PRMT8: variants seen among roughly 807,000 people sequenced by gnomAD.
PRMT8 encodes the protein protein arginine N-methyltransferase 8.
A neutral mutation model predicts 47.1 loss-of-function variants in PRMT8; 7 were observed. The ratio of observed to expected loss-of-function variants is 0.15; its 90% CI spans 0.08 to 0.28. The LOEUF is 0.28. Among genes scored for constraint, PRMT8 ranks in the 10% least tolerant of loss-of-function variants. The pLI is 1.00. For missense variants in PRMT8, 237 were observed against 505.4 expected (o/e 0.47, Z 5.09); for synonymous variants, 188 against 186.5 (o/e 1.01, Z -0.07).
At chr12:3,507,118 CTTTT>C (rs72188443) in intron 1 of PRMT8, among the ~76,000 whole-genome samples, 1 of 122,556 alleles carries the variant, frequency 8.2e-6, no homozygotes, top group African/African-American at 3.1e-5. Context: ...GGTGGCCTTT[CTTTT>C]TTTTTTTTTT....
intron 1 of PRMT8, among the ~76,000 whole-genome samples, chr12:3,437,116 A>T (rs1565407401): frequency 6.6e-6 from 1 of 152,162 alleles, no homozygotes; most frequent in Non-Finnish European, 1.5e-5. Flanking sequence ...GGGGTATCCA[A>T]CACTGAGTTT....
At chr12:3,466,536 A>G (rs1462588332) in intron 1 of PRMT8, among the ~76,000 whole-genome samples, 2 of 152,156 alleles carry the variant, frequency 1.3e-5, no homozygotes, top group Non-Finnish European at 1.5e-5. Flanking sequence ...AAATGGAGGG[A>G]TGGAAACCAA....
intron 1 of PRMT8, among the ~76,000 whole-genome samples, chr12:3,438,209 A>G (rs1008573274): frequency 6.6e-6 from 1 of 152,082 alleles, no homozygotes; most frequent in African/African-American, 2.4e-5. Context: ...AGAGAGGTGG[A>G]GGGAGGCTGC....
At chr12:3,490,856 G>A (rs916262269), upstream of PRMT8, among the ~76,000 whole-genome samples, 3 of 147,120 alleles carry the variant, frequency 2.0e-5, no homozygotes, top group Non-Finnish European at 4.5e-5. Context: ...AGAGGAGCGG[G>A]AGAGCTGGGG....
At chr12:3,394,608 T>A (rs1864229156) in intron 1 of PRMT8, among the ~76,000 whole-genome samples, 1 of 152,242 alleles carries the variant, frequency 6.6e-6, no homozygotes, top group South Asian at 2.1e-4. Flanking sequence ...CTGGATTCAT[T>A]CTGCCAGTAT....
rs368826831 is a variant in PRMT8 at position 3,528,251 on chromosome 12, T to G, written c.76-12355T>G. On this transcript the variant is annotated intron_variant, in intron 1 of 9. Coordinates refer to ENST00000382622, the MANE Select transcript of PRMT8 (RefSeq NM_019854.5). ...AAAGCCGTATTTCTTTAAATATTTT[T>G]GTGTCTCCTCTTCCTTCAGGTGCTA... Among the ~76,000 whole-genome samples, 28 of 152,334 alleles carry G rather than the reference T, an allele frequency of 1.8e-4. No homozygotes were observed. The East Asian group carries it at 3.3e-3, about 18-fold the overall frequency.
At chr12:3,435,799 C>A (rs910229196) in intron 1 of PRMT8, among the ~76,000 whole-genome samples, 2 of 152,230 alleles carry the variant, frequency 1.3e-5, no homozygotes, top group South Asian at 4.1e-4. Context: ...GGATTACAGG[C>A]GCGAGCCACC....
intron 1 of PRMT8, among the ~76,000 whole-genome samples, chr12:3,418,246 C>T (rs530723043): frequency 6.6e-6 from 1 of 152,334 alleles, no homozygotes; most frequent in Admixed American, 6.5e-5. Flanking sequence ...CAACTGCAAA[C>T]ACCTTGAAAG....
intron 1 of PRMT8, among the ~76,000 whole-genome samples, chr12:3,482,461 G>A (rs1378130268): frequency 6.6e-6 from 1 of 152,180 alleles, no homozygotes; most frequent in Non-Finnish European, 1.5e-5. Flanking sequence ...TGGGCAGTAT[G>A]TAAGCCCAGT....
At chr12:3,540,564 C>T (rs780336866) in intron 1 of PRMT8, 42 bp from the exon 2 acceptor site, 17 of 1,365,432 alleles carry the variant, frequency 1.2e-5, no homozygotes, top group South Asian at 8.5e-5. Flanking sequence ...GGCGGGACCC[C>T]GTTGTCTCTC....
chr12:3,526,339 T>C (rs539667275), intron 1 of PRMT8, among the ~76,000 whole-genome samples: 1 of 152,282 alleles, frequency 6.6e-6, no homozygotes, highest in Non-Finnish European at 1.5e-5. Flanking sequence ...TACAAATATC[T>C]CTTTAAGCAT....
intron 1 of PRMT8, among the ~76,000 whole-genome samples, chr12:3,521,609 G>T (rs1217183280): frequency 6.6e-6 from 1 of 152,112 alleles, no homozygotes; most frequent in Non-Finnish European, 1.5e-5. Flanking sequence ...GGGTGTACGG[G>T]AATTGATACC....
At chr12:3,447,345 C>A (rs892315113) in intron 1 of PRMT8, among the ~76,000 whole-genome samples, 10 of 152,154 alleles carry the variant, frequency 6.6e-5, no homozygotes, top group African/African-American at 2.4e-4. Context: ...TTATTGGGGA[C>A]ATTACATTTG....
chr12:3,518,397 C>CT (rs58146853), intron 1 of PRMT8, among the ~76,000 whole-genome samples: 3,206 of 142,244 alleles, frequency 0.023, 34 homozygotes, highest in Middle Eastern at 0.073. Context: ...GTTAGGAATT[C>CT]TTTTTTTTTT....
At chr12:3,468,299 A>C (rs1441657495) in intron 1 of PRMT8, among the ~76,000 whole-genome samples, 1 of 152,208 alleles carries the variant, frequency 6.6e-6, no homozygotes, top group African/African-American at 2.4e-5. Flanking sequence ...GTGGCTGGGA[A>C]AGAGGCAGCA....
At chr12:3,549,815 C>T (rs747443647) in intron 2 of PRMT8, 121 bp from the exon 3 acceptor site, 1 of 1,136,238 alleles carries the variant, frequency 8.8e-7, no homozygotes, top group East Asian at 2.4e-5. Flanking sequence ...TGTGGCTCTG[C>T]CTGATGATAT....
At chr12:3,427,019 C>A (rs1008795047) in intron 1 of PRMT8, among the ~76,000 whole-genome samples, 6 of 151,942 alleles carry the variant, frequency 3.9e-5, no homozygotes, top group African/African-American at 1.5e-4. Flanking sequence ...AAGAAATTGA[C>A]CTTTTGTTTT....
rs1207297781 is a variant in PRMT8, at chr12:3,593,172, A to G, written c.1175A>G (p.Lys392Arg). Residue 392 changes from lysine to arginine, a missense_variant, in exon 10 of 10, where the codon AAA becomes AGA. Lys to Arg is a conservative substitution (Grantham distance 26). This residue lies in a region of PRMT8 where 151 missense variants were observed against 341.1 expected (regional missense o/e 0.44). Transcript: ENST00000382622. The surrounding 1 kb of genome is among the most constrained non-coding windows in gnomAD (Gnocchi z 4.8). Reference protein sequence around the residue: ...LCETSVSNDYKMR With the variant: ...LCETSVSNDYRMR ...GAAACATCTGTATCTAATGACTACA[A>G]AATGCGTTAGCACACGTGGGAAGCT... The G allele has an allele frequency of 1.3e-5, 21 of 1,613,674 alleles. No individual in the cohort carries two copies. Among genetic ancestry groups the G allele is most frequent in the Non-Finnish European group, 1.7e-5 (20 of 1,179,732 alleles).
intron 1 of PRMT8, among the ~76,000 whole-genome samples, chr12:3,499,366 G>A (rs1186556973): frequency 1.1e-5 from 1 of 88,306 alleles, no homozygotes; most frequent in Non-Finnish European, 2.2e-5. Flanking sequence ...CCCCACCACA[G>A]TCCCCAGAGT....
Sources: allele counts gnomAD v4.1 joint callset (sites outside exome capture counted in the v4.1 genomes callset), GRCh38; gene constraint gnomAD v4.1.1; regional missense constraint gnomAD v4.1.1; non-coding constraint Gnocchi (gnomAD v3.1); transcripts MANE v1.5; gene names NCBI Gene and HGNC (gene_info 2026-07-23, HGNC 2026-07-21).